Variants in KLRD1 observed in about 807,000 individuals in gnomAD.
The protein encoded by KLRD1 is killer cell lectin like receptor D1.
Under a neutral mutation model 22.6 loss-of-function variants are expected in KLRD1, and 21 were observed. The observed-to-expected ratio is 0.93, with a 90% CI of 0.66 to 1.34. The LOEUF (loss-of-function observed/expected upper bound fraction) is 1.34. KLRD1 is among the 40% of genes most tolerant of loss of function. The probability of loss-of-function intolerance (pLI) is 0.00; values close to 1 mark genes in which losing one functional copy is unlikely to be tolerated. For synonymous variants in KLRD1, 59 were observed against 71.1 expected (o/e 0.83, Z 0.85); for missense variants, 183 against 208.6 (o/e 0.88, Z 0.76).
intron 1 of KLRD1, among the ~76,000 whole-genome samples, chr12:10,274,288 A>T (rs533337069): frequency 1.2e-4 from 18 of 151,924 alleles, no homozygotes; most frequent in South Asian, 6.3e-4. Flanking sequence ...TCAAAAAAAA[A>T]TTTTTTTTTA....
upstream of KLRD1, among the ~76,000 whole-genome samples, chr12:10,302,851 A>ACT (rs1949878675): frequency 6.6e-6 from 1 of 151,666 alleles, no homozygotes; most frequent in Non-Finnish European, 1.5e-5. Context: ...TAGACACATG[A>ACT]CTCCTGAGCA....
At position 10,291,137 on chromosome 12, in the gene KLRD1, C is replaced by A. The variant is rs4329755; in HGVS notation, c.-100-16841C>A. ...TTATATCTAAAAAACAATGTACATA[C>A]CTTGATTAAAAATATTGCCAGAAAA... On this transcript the variant is annotated intron_variant, in intron 1 of 5. Coordinates refer to the KLRD1 transcript ENST00000544747. Among the ~76,000 whole-genome samples, 187 of 152,246 alleles carry A rather than the reference C, an allele frequency of 1.2e-3. 7 individuals carry two copies. In the South Asian group the frequency reaches 0.038, roughly 31 times the overall value.
upstream of KLRD1, among the ~76,000 whole-genome samples, chr12:10,302,748 G>A (rs1949877598): frequency 6.6e-6 from 1 of 150,728 alleles, no homozygotes; most frequent in Non-Finnish European, 1.5e-5. Context: ...AGGAGTCCAG[G>A]TGGGGTTAGT....
chr12:10,309,740 G>T, intron 3 of KLRD1, 52 bp downstream of exon 3: 1 of 1,278,434 alleles, frequency 7.8e-7, no homozygotes. Flanking sequence ...TAAATAGGCA[G>T]TTTCTTGTTT....
intron 1 of KLRD1, among the ~76,000 whole-genome samples, chr12:10,264,929 C>T (rs1750934765): frequency 6.6e-6 from 1 of 152,024 alleles, no homozygotes; most frequent in Non-Finnish European, 1.5e-5. Context: ...AAAAAGATTC[C>T]ACATATAAGT....
chr12:10,266,603 T>G (rs1163716244), intron 1 of KLRD1, among the ~76,000 whole-genome samples: 1 of 151,812 alleles, frequency 6.6e-6, no homozygotes, highest in Non-Finnish European at 1.5e-5. Flanking sequence ...AGTTTTTATA[T>G]TCTTAAAAAA....
At chr12:10,246,931 TTC>T (rs1555100012) in intron 1 of KLRD1, among the ~76,000 whole-genome samples, 10 of 129,298 alleles carry the variant, frequency 7.7e-5, no homozygotes, top group African/African-American at 3.5e-4. Flanking sequence ...TTCTTTTCTT[TTC>T]TTTTTTTTTT....
In KLRD1 at chr12:10,319,270, A is replaced by G. The variant is rs1253690110; in HGVS notation, c.*4477A>G. On this transcript the variant is annotated 3_prime_UTR_variant, in exon 6 of 6. Transcript: ENST00000336164. Reference sequence around the variant, plus strand: ...TTTATTCTTTTCCAGGTCACTTCTTACCAGTTGTAAATGTACTTACAAATT... The same window carrying G: ...TTTATTCTTTTCCAGGTCACTTCTTGCCAGTTGTAAATGTACTTACAAATT... 6.6e-6 allele frequency: 1 copy of G among 152,212 alleles called. No homozygotes were observed. The highest frequency in any genetic ancestry group is 1.5e-5 in the Non-Finnish European group (1 of 68,028). The allele number at this position is 152,212 out of a possible 1,614,324, so 9.4% of individuals were successfully genotyped here.
rs746760995 is a variant in KLRD1, at chr12:10,314,810, A to G, written c.*17A>G. ...CTCATTTAAATGTTTCTTGGGGCAGAGAAGGTGGAGAGTAAAGACCCAACA... is the reference window on the plus strand; with the variant it reads ...CTCATTTAAATGTTTCTTGGGGCAGGGAAGGTGGAGAGTAAAGACCCAACA... On this transcript the variant is annotated 3_prime_UTR_variant, in exon 6 of 6. Coordinates refer to ENST00000336164, the MANE Select transcript of KLRD1 (RefSeq NM_002262.5). 6.3e-7 allele frequency: 1 copy of G among 1,598,566 alleles called. No individual in the cohort carries two copies. The highest frequency in any genetic ancestry group is 2.2e-5 in the East Asian group (1 of 44,468).
intron 1 of KLRD1, among the ~76,000 whole-genome samples, chr12:10,255,239 CTT>C (rs571378761): frequency 6.6e-5 from 10 of 152,228 alleles, no homozygotes; most frequent in African/African-American, 2.4e-4. Flanking sequence ...AATTTGAGGA[CTT>C]TTAAAAATTA....
In KLRD1 at chr12:10,309,383, T is replaced by C. The variant is rs1950000316; in HGVS notation, c.8-5T>C. 2 of 1,354,824 alleles carry C rather than the reference T, an allele frequency of 1.5e-6. No homozygotes were observed. Among genetic ancestry groups the C allele is most frequent in the Non-Finnish European group, 2.1e-6 (2 of 945,512 alleles). The allele number at this position is 1,354,824 out of a possible 1,614,324, so 83.9% of individuals were successfully genotyped here. A position where few individuals can be genotyped will look rare whatever the true frequency, so the allele number is the denominator to read the frequency against. On this transcript the variant is annotated splice_polypyrimidine_tract_variant and splice_region_variant and intron_variant, in intron 1 of 5. Coordinates refer to ENST00000336164, the MANE Select transcript of KLRD1 (RefSeq NM_002262.5). ...AGTCATTACTCTGTCTGTCTTTCTC[T>C]ACAGTGTTTAAGACCACTCTGTGGA...
intron 1 of KLRD1, among the ~76,000 whole-genome samples, chr12:10,269,747 A>T (rs1949532119): frequency 6.6e-6 from 1 of 152,082 alleles, no homozygotes; most frequent in Non-Finnish European, 1.5e-5. Context: ...TTTTTTAATG[A>T]ATCAAATTCA....
upstream of KLRD1, chr12:10,307,735 G>C (rs1949955907): frequency 4.8e-6 from 1 of 207,870 alleles, no homozygotes; most frequent in African/African-American, 2.3e-5. Context: ...AAACAAAACA[G>C]CAACAAAACT....
intron 1 of KLRD1, among the ~76,000 whole-genome samples, chr12:10,249,121 C>T (rs932726429): frequency 6.6e-6 from 1 of 152,074 alleles, no homozygotes; most frequent in African/African-American, 2.4e-5. Flanking sequence ...TACCCATAAA[C>T]AAAGTAAATG....
intron 1 of KLRD1, among the ~76,000 whole-genome samples, chr12:10,245,748 A>G (rs943476193): frequency 2.6e-5 from 4 of 152,206 alleles, no homozygotes; most frequent in African/African-American, 9.7e-5. Flanking sequence ...AAGTTTTGCC[A>G]TGCTTTCAAT....
chr12:10,295,396 A>G (rs994686878), intron 1 of KLRD1, among the ~76,000 whole-genome samples: 9 of 152,202 alleles, frequency 5.9e-5, no homozygotes, highest in African/African-American at 1.9e-4. Flanking sequence ...TTTCTAATGA[A>G]GAAAAAATTT....
intron 1 of KLRD1, among the ~76,000 whole-genome samples, chr12:10,251,200 C>T (rs1317023032): frequency 6.6e-6 from 1 of 152,148 alleles, no homozygotes; most frequent in African/African-American, 2.4e-5. Flanking sequence ...TCCTGGCTTA[C>T]TGCAACCTCC....
At chr12:10,270,380 A>G (rs1180167724) in intron 1 of KLRD1, among the ~76,000 whole-genome samples, 2 of 152,232 alleles carry the variant, frequency 1.3e-5, no homozygotes, top group African/African-American at 4.8e-5. Flanking sequence ...CATAGCTGCA[A>G]CTATTACCAG....
At chr12:10,265,631 C>T (rs1949491793) in intron 1 of KLRD1, among the ~76,000 whole-genome samples, 1 of 151,714 alleles carries the variant, frequency 6.6e-6, no homozygotes, top group African/African-American at 2.4e-5. Context: ...GTGGCACACA[C>T]CTGTAAGCCC....
Sources: allele counts gnomAD v4.1 joint callset (sites outside exome capture counted in the v4.1 genomes callset), GRCh38; gene constraint gnomAD v4.1.1; transcripts MANE v1.5; gene names NCBI Gene and HGNC (gene_info 2026-07-23, HGNC 2026-07-21).